KIF1A: variants seen among roughly 807,000 people sequenced by gnomAD.
The protein encoded by KIF1A is kinesin-like protein KIF1A.
Under a neutral mutation model 227.3 loss-of-function variants are expected in KIF1A, and 46 were observed. The observed-to-expected ratio is 0.20, with a 90% confidence interval of 0.16 to 0.26. KIF1A has a LOEUF of 0.26. Ranked by LOEUF, KIF1A falls within the 10% of genes least tolerant of loss-of-function variation. The pLI, the probability that KIF1A is intolerant of heterozygous loss-of-function variation, is 1.00. For synonymous variants in KIF1A, 1,022 were observed against 1,012.8 expected (o/e 1.01, Z -0.17); for missense variants, 1,683 against 2,485.9 (o/e 0.68, Z 6.87).
chr2:240,750,031 G>C (rs1027958486), intron 28 of KIF1A, among the ~76,000 whole-genome samples: 1 of 152,254 alleles, frequency 6.6e-6, no homozygotes, highest in African/African-American at 2.4e-5. Flanking sequence ...GCAGCAGGCT[G>C]GGGGAGGGAT....
intron 40 of KIF1A, 104 bp from the exon 41 acceptor site, chr2:240,724,140 C>T (rs2045718973): frequency 8.0e-6 from 8 of 994,938 alleles, no homozygotes; most frequent in Non-Finnish European, 1.3e-5. Flanking sequence ...CACAGTCAGC[C>T]TGGCTGGGGT....
At position 240,792,171 on chromosome 2, in the gene KIF1A, C is replaced by A. The variant is rs2055796158; in HGVS notation, c.107-2859G>T. Among the ~76,000 whole-genome samples the A allele has an allele frequency of 6.6e-6, 1 of 152,206 alleles. No homozygotes were observed. Among genetic ancestry groups the A allele is most frequent in the African/African-American group, 2.4e-5 (1 of 41,446 alleles). ...CAGGGTCCCCGCAACACCTCCCAGCCCTGAGGTCCGCCAGGCCTGTGGAGA... is the reference window on the plus strand; with the variant it reads ...CAGGGTCCCCGCAACACCTCCCAGCACTGAGGTCCGCCAGGCCTGTGGAGA... On this transcript the variant is annotated intron_variant, in intron 2 of 48. Coordinates refer to ENST00000498729, the MANE Select transcript of KIF1A (RefSeq NM_001244008.2). This position sits in a 1 kb window ranked among gnomAD's most constrained non-coding sequence, Gnocchi z 4.5.
In KIF1A at chr2:240,719,613, C is replaced by T. The variant is rs531274809; in HGVS notation, c.5021+161G>A. 7.6e-4 allele frequency among the ~76,000 whole-genome samples: 116 copies of T among 152,328 alleles called. 1 individual carries two copies. In the South Asian group the frequency reaches 0.011, roughly 15 times the overall value. ...CATGGAGCTGTCCCTCCATGTGGGTCAGGGGCAGCCTGCCTGAACCTCCAG... is the reference window on the plus strand; with the variant it reads ...CATGGAGCTGTCCCTCCATGTGGGTTAGGGGCAGCCTGCCTGAACCTCCAG... On this transcript the variant is annotated intron_variant, in intron 46 of 48. Coordinates refer to ENST00000498729, the MANE Select transcript of KIF1A (RefSeq NM_001244008.2).
intron 32 of KIF1A, among the ~76,000 whole-genome samples, chr2:240,744,397 C>T (rs1346825408): frequency 6.6e-6 from 1 of 152,222 alleles, no homozygotes; most frequent in Non-Finnish European, 1.5e-5. Flanking sequence ...GGTCCTGCCC[C>T]ACTCAGCAAG....
rs1455729919 is a variant in KIF1A at position 240,793,520 on chromosome 2, A to G, written c.106+4127T>C. Among the ~76,000 whole-genome samples the G allele has an allele frequency of 1.3e-5, 2 of 152,070 alleles. No individual in the cohort carries two copies. The highest frequency in any genetic ancestry group is 2.9e-5 in the Non-Finnish European group (2 of 68,002). The stretch of plus-strand genomic sequence containing the variant: ...ATGGCTGGGCAGGCTCAGGGCCCTC[A>G]CGTCCTCCGGTCCTCAGGGCAGAGA... On this transcript the variant is annotated intron_variant, in intron 2 of 48. Transcript: ENST00000498729. This position sits in a 1 kb window ranked among gnomAD's most constrained non-coding sequence, Gnocchi z 4.8.
Position 240,766,919 on chromosome 2 carries a change from G to C in KIF1A, c.1680C>G (p.Ser560Arg). The change falls in exon 19 of 49, where the codon AGC (serine) becomes AGG (arginine). Residue 560 changes from serine to arginine, a missense_variant. Physicochemically the swap from Ser to Arg is moderately radical, Grantham distance 110 (BLOSUM62 -1). This residue lies in a region of KIF1A where 217 missense variants were observed against 427.0 expected (regional missense o/e 0.51). Coordinates refer to ENST00000498729, the MANE Select transcript of KIF1A (RefSeq NM_001244008.2). This position sits in a 1 kb window ranked among gnomAD's most constrained non-coding sequence, Gnocchi z 5.0. Reference protein sequence around the residue: ...CVFRSDSRGGSEAVVTLEPCE... With the variant: ...CVFRSDSRGGREAVVTLEPCE... ...GGGACGGTAGGGTGGTGATACCTTC[G>C]CTGCCTCCCCTGGAGTCGCTCCGGA... The C allele has an allele frequency of 6.2e-7, 1 of 1,606,142 alleles. No homozygotes were observed. The highest frequency in any genetic ancestry group is 2.2e-5 in the East Asian group (1 of 44,708).
rs369159697 is a variant in KIF1A at position 240,737,184 on chromosome 2, C to T, written c.3902-16G>A. On this transcript the variant is annotated splice_polypyrimidine_tract_variant and intron_variant, in intron 37 of 48. Transcript: ENST00000498729. ...CGGATGCGGCCTGCAGAAAAGGCAACGGGCCACAGGTCACTTCCCAGGGGG... is the reference window on the plus strand; with the variant it reads ...CGGATGCGGCCTGCAGAAAAGGCAATGGGCCACAGGTCACTTCCCAGGGGG... The T allele has an allele frequency of 1.4e-4, 227 of 1,608,424 alleles. 2 individuals carry two copies. The highest frequency in any genetic ancestry group is 9.4e-4 in the East Asian group (42 of 44,804).
intron 25 of KIF1A, among the ~76,000 whole-genome samples, chr2:240,759,680 G>A (rs146063568): frequency 8.5e-5 from 13 of 152,276 alleles, no homozygotes; most frequent in Middle Eastern, 3.4e-3. Context: ...CACTGATGGC[G>A]CTGACCTCAC....
chr2:240,785,767 G>A (rs970986813), intron 6 of KIF1A, among the ~76,000 whole-genome samples: 1 of 152,168 alleles, frequency 6.6e-6, no homozygotes, highest in Non-Finnish European at 1.5e-5. Flanking sequence ...CCACCAAAGG[G>A]GTGCAGGATG....
intron 31 of KIF1A, 65 bp downstream of exon 31, chr2:240,745,665 AGCACCCAG>A: frequency 6.4e-7 from 1 of 1,552,604 alleles, no homozygotes; most frequent in Non-Finnish European, 8.8e-7. Flanking sequence ...CTCCCTGCCC[AGCACCCAG>A]GCACGGGAGC....
At chr2:240,765,278 C>T (rs1041469609) in intron 20 of KIF1A, among the ~76,000 whole-genome samples, 6 of 152,228 alleles carry the variant, frequency 3.9e-5, no homozygotes, top group Non-Finnish European at 7.3e-5. Context: ...CAACCCCACC[C>T]GGGGTGCTGC....
chr2:240,725,633 A>T lies in KIF1A; in HGVS notation c.4123-229T>A. ...GCTCTGTCCACCCCTGGGCTGCCTG[A>T]GGGACTGGTCTCCATGTGTGGGGAC... On this transcript the variant is annotated intron_variant, in intron 39 of 48. Coordinates refer to ENST00000498729, the MANE Select transcript of KIF1A (RefSeq NM_001244008.2). This position sits in a 1 kb window ranked among gnomAD's most constrained non-coding sequence, Gnocchi z 5.8. 1.9e-6 allele frequency: 1 copy of T among 537,208 alleles called. No individual in the cohort carries two copies. Among genetic ancestry groups the T allele is most frequent in the Non-Finnish European group, 3.3e-6 (1 of 303,996 alleles). The allele number at this position is 537,208 out of a possible 1,614,324, so 33.3% of individuals were successfully genotyped here.
intron 1 of KIF1A, among the ~76,000 whole-genome samples, chr2:240,813,550 G>C (rs1489271091): frequency 6.6e-6 from 1 of 152,192 alleles, no homozygotes; most frequent in African/African-American, 2.4e-5. Context: ...TCCATAGCAG[G>C]AGTGAAGCCT....
intron 10 of KIF1A, among the ~76,000 whole-genome samples, chr2:240,780,209 G>A (rs1252627886): frequency 2.0e-5 from 3 of 151,450 alleles, no homozygotes; most frequent in Non-Finnish European, 2.9e-5. Flanking sequence ...CTGGCCCCCC[G>A]CAGTTTCTCC....
intron 1 of KIF1A, among the ~76,000 whole-genome samples, chr2:240,817,662 C>T (rs574381295): frequency 2.0e-5 from 3 of 152,306 alleles, no homozygotes; most frequent in Admixed American, 1.3e-4. Flanking sequence ...GACCAGGGCT[C>T]TGTGGGAACG....
rs559694915 is a variant in KIF1A at position 240,793,149 on chromosome 2, C to T, written c.107-3837G>A. Among the ~76,000 whole-genome samples the T allele has an allele frequency of 5.5e-4, 84 of 152,318 alleles. No homozygotes were observed. The highest frequency in any genetic ancestry group is 3.9e-4 in the East Asian group (2 of 5,176). On this transcript the variant is annotated intron_variant, in intron 2 of 48. Transcript: ENST00000498729. The surrounding 1 kb of genome is among the most constrained non-coding windows in gnomAD (Gnocchi z 4.8). ...GGGCTTGCCCAGGTCCCCGACTGCTCGGGATTGGGGGAGCCCACAGCGGAG... is the reference window on the plus strand; with the variant it reads ...GGGCTTGCCCAGGTCCCCGACTGCTTGGGATTGGGGGAGCCCACAGCGGAG...
intron 10 of KIF1A, among the ~76,000 whole-genome samples, chr2:240,780,103 C>A (rs966953201): frequency 6.6e-6 from 1 of 151,898 alleles, no homozygotes; most frequent in Non-Finnish European, 1.5e-5. Context: ...AGTTCCCGCA[C>A]GCTTCCCCAC....
chr2:240,752,551 G>A lies in KIF1A; in HGVS notation c.2859-2004C>T, dbSNP rs367626246. Among the ~76,000 whole-genome samples, 2 of 152,248 alleles carry A rather than the reference G, an allele frequency of 1.3e-5. No homozygotes were observed. Among genetic ancestry groups the A allele is most frequent in the African/African-American group, 4.8e-5 (2 of 41,542 alleles). On this transcript the variant is annotated intron_variant, in intron 27 of 48. Coordinates refer to ENST00000498729, the MANE Select transcript of KIF1A (RefSeq NM_001244008.2). This position sits in a 1 kb window ranked among gnomAD's most constrained non-coding sequence, Gnocchi z 6.4. ...CTGAGCAAAGCTAAGTTGTCCAGGAGTGGGGGTGGGGAGAGCCAGAACTTG... is the reference window on the plus strand; with the variant it reads ...CTGAGCAAAGCTAAGTTGTCCAGGAATGGGGGTGGGGAGAGCCAGAACTTG...
chr2:240,812,857 C>CCTCGGGGATCAGCCTTCA (rs1559549817), intron 1 of KIF1A, among the ~76,000 whole-genome samples: 4 of 151,352 alleles, frequency 2.6e-5, no homozygotes, highest in African/African-American at 9.7e-5. Context: ...TCTGCCTTCA[C>CCTCGGGGATCAGCCTTCA]CTCGGGGATC....
Sources: gnomAD v4.1 joint callset for allele counts (sites outside exome capture counted in the v4.1 genomes callset) on GRCh38, gnomAD v4.1.1 for gene constraint, gnomAD v4.1.1 regional missense constraint, Gnocchi (gnomAD v3.1) non-coding constraint, MANE v1.5 for transcripts, NCBI Gene and HGNC (gene_info 2026-07-23, HGNC 2026-07-21) for gene names.